Variants in ATG7 observed in about 807,000 individuals in gnomAD.
The protein encoded by ATG7 is ubiquitin-like modifier-activating enzyme ATG7.
ATG7 carries 70 observed loss-of-function variants against 82.4 expected under a neutral mutation model. That is an observed-to-expected ratio of 0.85 (90% CI 0.70 to 1.04). The LOEUF is 1.04. Among genes scored for constraint, ATG7 ranks in the 50% least tolerant of loss-of-function variants. The pLI is 0.00. For missense variants in ATG7, 792 were observed against 864.3 expected, an observed-to-expected ratio of 0.92 and a Z score of 1.05; for synonymous variants, 287 against 313.0, an observed-to-expected ratio of 0.92 and a Z score of 0.88.
rs143439724 is a variant in ATG7, at chr3:11,509,565, C to T, written c.2080-45246C>T. On this transcript the variant is annotated intron_variant, in intron 20 of 20. Coordinates refer to ENST00000693202, the MANE Select transcript of ATG7 (RefSeq NM_001349232.2). ...TTATAATGGCCTTTTAAGTAAGTGA[C>T]GTTTTAGAGTTTGCTGAATGAAGAG... Among the ~76,000 whole-genome samples, 823 of 152,112 alleles carry T rather than the reference C, an allele frequency of 5.4e-3. 6 individuals carry two copies. The highest frequency in any genetic ancestry group is 0.026 in the South Asian group (127 of 4,820).
chr3:11,412,440 C>T (rs933971404), intron 19 of ATG7, among the ~76,000 whole-genome samples: 3 of 152,050 alleles, frequency 2.0e-5, no homozygotes, highest in Non-Finnish European at 2.9e-5. Context: ...GATCTTGGCA[C>T]TCTTGTCAAA....
chr3:11,279,826 C>T (rs1942684283), intron 1 of ATG7, among the ~76,000 whole-genome samples: 1 of 152,160 alleles, frequency 6.6e-6, no homozygotes, highest in Admixed American at 6.5e-5. Flanking sequence ...TGTACAAACG[C>T]CAGGCTATAC....
intron 19 of ATG7, among the ~76,000 whole-genome samples, chr3:11,426,173 G>A (rs1279591830): frequency 6.6e-6 from 1 of 152,024 alleles, no homozygotes; most frequent in Non-Finnish European, 1.5e-5. Flanking sequence ...ATAGAGTCCT[G>A]GTTGTTCCAC....
At chr3:11,274,250 T>C (rs1242056185) in intron 1 of ATG7, among the ~76,000 whole-genome samples, 1 of 152,212 alleles carries the variant, frequency 6.6e-6, no homozygotes, top group East Asian at 1.9e-4. Flanking sequence ...GGCACTGCGC[T>C]GCAAGCTGGG....
At chr3:11,497,357 C>CTATATATATATGTATATGTATATA (rs1281826628) in intron 20 of ATG7, among the ~76,000 whole-genome samples, 44 of 57,318 alleles carry the variant, frequency 7.7e-4, no homozygotes, top group African/African-American at 2.9e-3. Context: ...ACTAAAAATA[C>CTATATATATATGTATATGTATATA]TATATATATA....
intron 20 of ATG7, among the ~76,000 whole-genome samples, chr3:11,475,516 C>T (rs1225851879): frequency 1.3e-5 from 2 of 152,096 alleles, no homozygotes; most frequent in Non-Finnish European, 2.9e-5. Flanking sequence ...TGGGAGCACA[C>T]ATCCCAGGGC....
intron 20 of ATG7, among the ~76,000 whole-genome samples, chr3:11,447,491 T>A (rs541295838): frequency 6.6e-6 from 1 of 151,992 alleles, no homozygotes; most frequent in Admixed American, 6.5e-5. Context: ...AAAAAGTAAT[T>A]TATTGCTTAA....
chr3:11,571,600 A>C, the ATG7 span, among the ~76,000 whole-genome samples: 2 of 152,166 alleles, frequency 1.3e-5, no homozygotes, highest in Non-Finnish European at 1.5e-5. Flanking sequence ...CCAGTAAGTT[A>C]AGGCTACAGT....
At chr3:11,529,373 C>A (rs1033474530) in intron 20 of ATG7, 1 of 152,184 alleles carries the variant, frequency 6.6e-6, no homozygotes, top group South Asian at 2.1e-4. Flanking sequence ...CTACCACAAG[C>A]AGTAAAGCCT....
intron 3 of ATG7, among the ~76,000 whole-genome samples, chr3:11,283,890 C>A (rs1943498395): frequency 6.6e-6 from 1 of 152,164 alleles, no homozygotes; most frequent in Non-Finnish European, 1.5e-5. Context: ...CGAGATCACG[C>A]CATTGCACTC....
At chr3:11,382,851 C>T (rs532143305) in intron 19 of ATG7, among the ~76,000 whole-genome samples, 5 of 152,224 alleles carry the variant, frequency 3.3e-5, no homozygotes, top group East Asian at 3.9e-4. Flanking sequence ...CAAGGAACTC[C>T]GGTATACACT....
At chr3:11,506,579 AAAAAAC>A (rs1174890261) in intron 20 of ATG7, among the ~76,000 whole-genome samples, 1,318 of 15,912 alleles carry the variant, frequency 0.083, 108 homozygotes, top group African/African-American at 0.22. Flanking sequence ...AAAAAAAAAA[AAAAAAC>A]CCAAAAATTA....
chr3:11,476,656 A>C (rs900277121), intron 20 of ATG7, among the ~76,000 whole-genome samples: 2 of 152,190 alleles, frequency 1.3e-5, no homozygotes, highest in African/African-American at 4.8e-5. Context: ...CAAATCAAAT[A>C]AAACTCTATT....
intron 20 of ATG7, among the ~76,000 whole-genome samples, chr3:11,466,061 G>A (rs951309628): frequency 2.6e-5 from 4 of 152,164 alleles, no homozygotes; most frequent in Admixed American, 6.5e-5. Context: ...TTCTGGCTCC[G>A]TTTTAGAACC....
intron 19 of ATG7, among the ~76,000 whole-genome samples, chr3:11,412,351 A>G (rs1022067510): frequency 1.3e-5 from 2 of 151,832 alleles, no homozygotes; most frequent in African/African-American, 4.8e-5. Flanking sequence ...CTTTAACAGC[A>G]GAAGGGTCAA....
intron 20 of ATG7, among the ~76,000 whole-genome samples, chr3:11,453,610 G>A (rs189132224): frequency 6.6e-6 from 1 of 152,312 alleles, no homozygotes; most frequent in East Asian, 1.9e-4. Context: ...TATGTGGGGC[G>A]ACATCATTTA....
At chr3:11,467,416 G>A (rs933300318) in intron 20 of ATG7, among the ~76,000 whole-genome samples, 7 of 152,074 alleles carry the variant, frequency 4.6e-5, no homozygotes, top group Admixed American at 1.3e-4. Context: ...TCCCTGTGTC[G>A]CCCAGGCTGC....
At chr3:11,539,311 G>T (rs1373385832) in intron 20 of ATG7, among the ~76,000 whole-genome samples, 3 of 152,208 alleles carry the variant, frequency 2.0e-5, no homozygotes, top group Admixed American at 2.0e-4. Flanking sequence ...AATAGCCTGA[G>T]GTGACATAGC....
At chr3:11,396,782 C>CAAAAA (rs776333119) in intron 19 of ATG7, among the ~76,000 whole-genome samples, 62 of 94,256 alleles carry the variant, frequency 6.6e-4, no homozygotes, top group African/African-American at 2.1e-3. Context: ...ACTCTGTCTC[C>CAAAAA]AAAAAAAAAA....
Sources: gnomAD v4.1 joint callset for allele counts (sites outside exome capture counted in the v4.1 genomes callset) on GRCh38, gnomAD v4.1.1 for gene constraint, MANE v1.5 for transcripts, NCBI Gene and HGNC (gene_info 2026-07-23, HGNC 2026-07-21) for gene names.